SYN3: variants seen among roughly 807,000 people sequenced by gnomAD.
SYN3 encodes the protein synapsin-3.
SYN3 carries 35 observed loss-of-function variants against 65.8 expected under a neutral mutation model. The observed-to-expected ratio is 0.53, with a 90% CI of 0.41 to 0.70. The LOEUF (loss-of-function observed/expected upper bound fraction) is 0.70. Among genes scored for constraint, SYN3 ranks in the 30% least tolerant of loss-of-function variants. The pLI is 0.00. For synonymous variants in SYN3, 270 were observed against 292.9 expected (o/e 0.92, Z 0.80); for missense variants, 680 against 749.0 (o/e 0.91, Z 1.08).
chr22:32,612,299 C>A (rs967904630), intron 6 of SYN3, among the ~76,000 whole-genome samples: 1 of 152,146 alleles, frequency 6.6e-6, no homozygotes, highest in African/African-American at 2.4e-5. Context: ...AGTGTGGGTA[C>A]CATGGGCACC....
At chr22:32,616,517 T>G (rs1347059095) in intron 6 of SYN3, among the ~76,000 whole-genome samples, 2 of 152,094 alleles carry the variant, frequency 1.3e-5, no homozygotes, top group African/African-American at 2.4e-5. Context: ...ACGAGAGGCC[T>G]GTCATAGTGC....
At chr22:32,650,474 C>T (rs537996175) in intron 6 of SYN3, among the ~76,000 whole-genome samples, 1 of 152,080 alleles carries the variant, frequency 6.6e-6, no homozygotes, top group East Asian at 1.9e-4. Flanking sequence ...CCATGTTGCC[C>T]CGGCTGGTCT....
chr22:32,596,378 C>T (rs375400300), intron 7 of SYN3, among the ~76,000 whole-genome samples: 138 of 152,268 alleles, frequency 9.1e-4, no homozygotes, highest in African/African-American at 3.1e-3. Flanking sequence ...AAAATAATTA[C>T]GCTCAATAAA....
intron 2 of SYN3, among the ~76,000 whole-genome samples, chr22:32,984,175 A>G (rs952671858): frequency 2.3e-5 from 3 of 133,240 alleles, no homozygotes; most frequent in African/African-American, 5.8e-5. Context: ...AAAAAAAAAA[A>G]AAAAGAAAAA....
At chr22:33,042,019 G>C (rs762493466) in intron 1 of SYN3, among the ~76,000 whole-genome samples, 5 of 152,148 alleles carry the variant, frequency 3.3e-5, no homozygotes, top group African/African-American at 4.8e-5. Flanking sequence ...CTAACGTGAT[G>C]GTATTTAGAG....
intron 6 of SYN3, among the ~76,000 whole-genome samples, chr22:32,826,100 C>A (rs1177049454): frequency 6.6e-6 from 1 of 152,074 alleles, no homozygotes; most frequent in Admixed American, 6.5e-5. Flanking sequence ...TTTTTCCCAA[C>A]CTTTCTTTAG....
intron 6 of SYN3, among the ~76,000 whole-genome samples, chr22:32,682,071 G>GAAAGAGCATC (rs1189525689): frequency 6.6e-6 from 1 of 152,110 alleles, no homozygotes; most frequent in Non-Finnish European, 1.5e-5. Context: ...GAGATGAGGG[G>GAAAGAGCATC]CAGCAGGGGT....
chr22:32,900,354 C>T (rs542405047), intron 4 of SYN3, among the ~76,000 whole-genome samples: 6 of 152,194 alleles, frequency 3.9e-5, no homozygotes, highest in African/African-American at 4.8e-5. Context: ...CCCTTACATC[C>T]GGGTCACTGC....
At chr22:32,518,380 G>T (rs1170925000) in intron 12 of SYN3, 46 bp from the exon 13 acceptor site, 2 of 1,601,016 alleles carry the variant, frequency 1.2e-6, no homozygotes, top group African/African-American at 2.7e-5. Context: ...TTTTTTCTTA[G>T]GATAGATATG....
intron 7 of SYN3, among the ~76,000 whole-genome samples, chr22:32,582,208 A>G (rs938427871): frequency 1.3e-5 from 2 of 152,180 alleles, no homozygotes; most frequent in African/African-American, 4.8e-5. Flanking sequence ...CTTCTGACTC[A>G]TGGTAATGCC....
intron 1 of SYN3, among the ~76,000 whole-genome samples, chr22:33,048,942 T>C (rs916496215): frequency 1.3e-5 from 2 of 152,228 alleles, no homozygotes; most frequent in South Asian, 4.1e-4. Flanking sequence ...CAGAGCAGCA[T>C]GAAGATGCAG....
intron 6 of SYN3, among the ~76,000 whole-genome samples, chr22:32,724,629 T>G (rs1395742221): frequency 6.6e-6 from 1 of 152,214 alleles, no homozygotes; most frequent in African/African-American, 2.4e-5. Context: ...AATAAAGTTT[T>G]TATTTTTTTC....
At position 33,007,959 on chromosome 22, in the gene SYN3, C is replaced by T. The variant is rs376295432; in HGVS notation, c.-162-1135G>A. Among the ~76,000 whole-genome samples the T allele has an allele frequency of 6.9e-4, 102 of 148,236 alleles. 1 individual carries two copies. The highest frequency in any genetic ancestry group is 2.4e-3 in the African/African-American group (97 of 40,160). Reference sequence around the variant, plus strand: ...TATACAATTTTTTTTTTTTTTGAAACGGGGTCTCACTTCATCACCCAGCCT... The same window carrying T: ...TATACAATTTTTTTTTTTTTTGAAATGGGGTCTCACTTCATCACCCAGCCT... On this transcript the variant is annotated intron_variant, in intron 1 of 13. Transcript: ENST00000358763.
intron 3 of SYN3, among the ~76,000 whole-genome samples, chr22:32,948,347 G>A (rs559572890): frequency 3.7e-4 from 56 of 152,270 alleles, no homozygotes; most frequent in African/African-American, 1.3e-3. Context: ...CAGAGGAGGG[G>A]AGTAACTCAA....
chr22:33,018,368 G>A (rs1351723953), intron 1 of SYN3, among the ~76,000 whole-genome samples: 1 of 152,206 alleles, frequency 6.6e-6, no homozygotes, highest in Non-Finnish European at 1.5e-5. Context: ...GGAAGGCAGG[G>A]AAGACGGGCT....
chr22:32,734,982 G>A (rs530081475), intron 6 of SYN3, among the ~76,000 whole-genome samples: 21 of 152,264 alleles, frequency 1.4e-4, no homozygotes, highest in Admixed American at 9.8e-4. Context: ...TAGACTTTTT[G>A]GGAGCTAAGG....
At chr22:32,751,822 T>C (rs1452955135) in intron 6 of SYN3, among the ~76,000 whole-genome samples, 1 of 152,144 alleles carries the variant, frequency 6.6e-6, no homozygotes, top group Admixed American at 6.5e-5. Flanking sequence ...ATAGTGATGG[T>C]TTACACTCAG....
chr22:32,857,102 A>C, intron 6 of SYN3: 1 of 712,854 alleles, frequency 1.4e-6, no homozygotes. Flanking sequence ...GCTATTGTGA[A>C]TATTGCTGCA....
At chr22:32,854,315 A>G (rs1196917594) in intron 6 of SYN3, among the ~76,000 whole-genome samples, 2 of 152,164 alleles carry the variant, frequency 1.3e-5, no homozygotes, top group East Asian at 1.9e-4. Flanking sequence ...GGTTCCTTCA[A>G]ACTTCCAAGT....
Sources: gnomAD v4.1 joint callset for allele counts (sites outside exome capture counted in the v4.1 genomes callset) on GRCh38, gnomAD v4.1.1 for gene constraint, MANE v1.5 for transcripts, NCBI Gene and HGNC (gene_info 2026-07-23, HGNC 2026-07-21) for gene names.